The following PCGF5 variants were observed in gnomAD, a reference collection of about 807,000 sequenced individuals.
The protein encoded by PCGF5 is polycomb group ring finger 5.
In PCGF5, 9 loss-of-function variants were observed where a neutral mutation model predicts 44.3. The observed-to-expected ratio is 0.20, with a 90% CI of 0.12 to 0.35. The LOEUF is 0.35. PCGF5 is among the 10% of genes least tolerant of loss of function. PCGF5 has a pLI of 1.00. For synonymous variants in PCGF5, 95 were observed against 102.5 expected (o/e 0.93, Z 0.44); for missense variants, 146 against 305.3 (o/e 0.48, Z 3.89).
chr10:91,254,203 CGTGTGTGTGT>C (rs148669111), intron 6 of PCGF5, among the ~76,000 whole-genome samples: 3 of 148,044 alleles, frequency 2.0e-5, no homozygotes, highest in East Asian at 2.0e-4. Flanking sequence ...CCCTCCACCT[CGTGTGTGTGT>C]GTGTGTGTGT....
chr10:91,180,151 G>T (rs1369631911), intron 1 of PCGF5, among the ~76,000 whole-genome samples: 1 of 152,026 alleles, frequency 6.6e-6, no homozygotes, highest in Non-Finnish European at 1.5e-5. Context: ...GTCTTCTTTT[G>T]AAATTTGTCT....
At chr10:91,219,916 G>A (rs1199501879), upstream of PCGF5, among the ~76,000 whole-genome samples, 1 of 152,058 alleles carries the variant, frequency 6.6e-6, no homozygotes, top group East Asian at 1.9e-4. Context: ...CTATCAGTTG[G>A]AGAAAAAGCA....
intron 1 of PCGF5, among the ~76,000 whole-genome samples, chr10:91,176,218 T>G (rs900103333): frequency 5.3e-5 from 8 of 152,226 alleles, no homozygotes; most frequent in African/African-American, 1.9e-4. Context: ...TTCTTTTCTT[T>G]AAGAATGTTG....
At chr10:91,199,693 T>C (rs920936686) in intron 1 of PCGF5, among the ~76,000 whole-genome samples, 1 of 152,230 alleles carries the variant, frequency 6.6e-6, no homozygotes, top group African/African-American at 2.4e-5. Flanking sequence ...TGAAATTTGA[T>C]TGAGTTCATT....
chr10:91,257,372 G>A (rs1157990556), intron 6 of PCGF5, among the ~76,000 whole-genome samples: 1 of 152,072 alleles, frequency 6.6e-6, no homozygotes, highest in Non-Finnish European at 1.5e-5. Context: ...TGAAAGTGCA[G>A]CTACTGTGGA....
intron 2 of PCGF5, among the ~76,000 whole-genome samples, chr10:91,233,707 T>G (rs1246353712): frequency 2.0e-5 from 3 of 152,192 alleles, no homozygotes; most frequent in African/African-American, 4.8e-5. Context: ...CCTCTTCTCT[T>G]TGAACATGAC....
At chr10:91,196,090 G>GGACT (rs1179705772) in intron 1 of PCGF5, among the ~76,000 whole-genome samples, 2 of 151,662 alleles carry the variant, frequency 1.3e-5, no homozygotes, top group Non-Finnish European at 2.9e-5. Flanking sequence ...GTCTATCATG[G>GGACT]GACTGCACAT....
chr10:91,236,319 T>C (rs545440342), intron 2 of PCGF5, among the ~76,000 whole-genome samples: 1 of 152,282 alleles, frequency 6.6e-6, no homozygotes, highest in Admixed American at 6.5e-5. Flanking sequence ...CTGTCCATAC[T>C]ATAATCCATA....
chr10:91,187,343 T>A (rs778824322), intron 1 of PCGF5, among the ~76,000 whole-genome samples: 1 of 152,104 alleles, frequency 6.6e-6, no homozygotes, highest in Non-Finnish European at 1.5e-5. Flanking sequence ...AAGATCTTCA[T>A]GTGCAGATTT....
At chr10:91,207,726 T>C (rs1048171621) in intron 1 of PCGF5, among the ~76,000 whole-genome samples, 2 of 152,234 alleles carry the variant, frequency 1.3e-5, no homozygotes, top group Non-Finnish European at 2.9e-5. Context: ...ATGACATTAA[T>C]ATTTTCAAAA....
intron 5 of PCGF5, among the ~76,000 whole-genome samples, chr10:91,249,587 G>A (rs536123775): frequency 1.3e-4 from 20 of 151,428 alleles, no homozygotes; most frequent in Non-Finnish European, 2.5e-4. Context: ...CCCAATCTTG[G>A]TTTTCCCATA....
At chr10:91,163,774 G>T (rs972344777) in intron 1 of PCGF5, among the ~76,000 whole-genome samples, 2 of 151,960 alleles carry the variant, frequency 1.3e-5, no homozygotes, top group Non-Finnish European at 2.9e-5. Flanking sequence ...GGCAGGACCC[G>T]GCGGGACCCA....
chr10:91,198,324 G>A (rs1844183038), intron 1 of PCGF5, among the ~76,000 whole-genome samples: 2 of 152,144 alleles, frequency 1.3e-5, no homozygotes, highest in Non-Finnish European at 2.9e-5. Flanking sequence ...CATCAGCATC[G>A]TTCCTGCTTA....
chr10:91,161,439 T>G (rs1028093695), upstream of PCGF5, among the ~76,000 whole-genome samples: 2 of 152,146 alleles, frequency 1.3e-5, no homozygotes, highest in African/African-American at 4.8e-5. Context: ...TACTTCAGTG[T>G]GTGATCAGAC....
intron 6 of PCGF5, 117 bp downstream of exon 6, chr10:91,251,557 A>G: frequency 1.0e-6 from 1 of 962,328 alleles, no homozygotes; most frequent in Non-Finnish European, 1.6e-6. Context: ...AATTAACATA[A>G]TTAAATAAAA....
rs572262272 is a variant in PCGF5, at chr10:91,227,233, A to G, written c.112+4250A>G. ...ATTTCTAACACATGTATTTAGATGT[A>G]TGTTCTTTTTTTTTTCCTGTGTGAA... On this transcript the variant is annotated intron_variant, in intron 2 of 9. Coordinates refer to ENST00000336126, the MANE Select transcript of PCGF5 (RefSeq NM_032373.5). The G allele has an allele frequency of 1.1e-3, 482 of 429,442 alleles. 6 individuals are homozygous for G. Among genetic ancestry groups the G allele is most frequent in the South Asian group, 8.0e-3 (465 of 58,324 alleles). 26.6% of individuals were successfully genotyped at this position (429,442 alleles called of 1,614,324 possible).
chr10:91,240,723 A>G (rs1471448243), intron 3 of PCGF5, 143 bp downstream of exon 3: 2 of 453,432 alleles, frequency 4.4e-6, no homozygotes, highest in Non-Finnish European at 7.7e-6. Context: ...ATTTTATTTT[A>G]AAGTATTTTA....
upstream of PCGF5, among the ~76,000 whole-genome samples, chr10:91,217,412 CAGTT>C (rs1188272876): frequency 2.6e-5 from 4 of 152,120 alleles, no homozygotes; most frequent in African/African-American, 9.7e-5. Flanking sequence ...CATTAAAAGT[CAGTT>C]AATTAATGAT....
intron 1 of PCGF5, among the ~76,000 whole-genome samples, chr10:91,179,170 TG>T (rs150309562): frequency 0.031 from 4,672 of 152,248 alleles, 104 homozygotes; most frequent in Middle Eastern, 0.075. Flanking sequence ...CTCATTACTT[TG>T]GTTTCAAGTC....
Sources: gnomAD v4.1 joint callset for allele counts (sites outside exome capture counted in the v4.1 genomes callset) on GRCh38, gnomAD v4.1.1 for gene constraint, MANE v1.5 for transcripts, NCBI Gene and HGNC (gene_info 2026-07-23, HGNC 2026-07-21) for gene names.